The following ITGA11 variants were observed in gnomAD, a reference collection of about 807,000 sequenced individuals.
ITGA11 encodes integrin alpha-11.
A neutral mutation model predicts 141.9 loss-of-function variants in ITGA11; 97 were observed. The ratio of observed to expected loss-of-function variants is 0.68; its 90% confidence interval spans 0.58 to 0.81. The LOEUF (loss-of-function observed/expected upper bound fraction) is 0.81, where lower values mean the gene tolerates loss of function less well. Ranked by LOEUF, ITGA11 falls within the 30% of genes least tolerant of loss-of-function variation. ITGA11 has a pLI of 0.00. For synonymous variants in ITGA11, 658 were observed against 624.6 expected (o/e 1.05, Z -0.80); for missense variants, 1,387 against 1,559.2 (o/e 0.89, Z 1.86).
intron 10 of ITGA11, among the ~76,000 whole-genome samples, chr15:68,344,447 C>G (rs1368254924): frequency 6.6e-6 from 1 of 152,168 alleles, no homozygotes; most frequent in Admixed American, 6.5e-5. Context: ...CACTAAGAAC[C>G]TTAGCGAATA....
rs2140291197 is a variant in ITGA11, at chr15:68,322,793, G to A, written c.2323-1290C>T. On this transcript the variant is annotated intron_variant, in intron 18 of 29. Transcript: ENST00000315757. The surrounding 1 kb of genome is among the most constrained non-coding windows in gnomAD (Gnocchi z 5.6). ...GGAGAATTGCTTGAACTCAGGCAGA[G>A]GCTGCAGTGGGCCAAGATCGTGCCA... Among the ~76,000 whole-genome samples the A allele has an allele frequency of 6.6e-6, 1 of 151,872 alleles. No homozygotes were observed. Among genetic ancestry groups the A allele is most frequent in the South Asian group, 2.1e-4 (1 of 4,794 alleles).
chr15:68,340,061 GTC>G (rs913859979), intron 10 of ITGA11, among the ~76,000 whole-genome samples: 3 of 152,080 alleles, frequency 2.0e-5, no homozygotes, highest in African/African-American at 7.2e-5. Flanking sequence ...TCTTTGCAGT[GTC>G]TGAGTTGCTT....
chr15:68,336,263 T>A (rs898586), intron 11 of ITGA11, among the ~76,000 whole-genome samples: 3 of 152,012 alleles, frequency 2.0e-5, no homozygotes, highest in Non-Finnish European at 4.4e-5. Context: ...TCTTCACTCT[T>A]GGAGACTAAC....
chr15:68,320,787 T>C (rs1473960948), intron 19 of ITGA11, among the ~76,000 whole-genome samples: 1 of 152,262 alleles, frequency 6.6e-6, no homozygotes, highest in Non-Finnish European at 1.5e-5. Flanking sequence ...ATTATCCTTC[T>C]ACAAGTTTTG....
chr15:68,372,940 A>G (rs1389836644), intron 2 of ITGA11, among the ~76,000 whole-genome samples: 1 of 152,254 alleles, frequency 6.6e-6, no homozygotes, highest in Non-Finnish European at 1.5e-5. Flanking sequence ...GTAAGTGTAT[A>G]TGTAAATTAT....
In ITGA11 at chr15:68,382,132, A is replaced by G. The variant is rs1460314182; in HGVS notation, c.165-12848T>C. ...TGTGTTGTGACAAATAGTCATTCTT[A>G]TAGACTTATTCTTATTTCAAGAAGC... On this transcript the variant is annotated intron_variant, in intron 2 of 29. Coordinates refer to ENST00000315757, the MANE Select transcript of ITGA11 (RefSeq NM_001004439.2). Among the ~76,000 whole-genome samples the G allele has an allele frequency of 3.3e-5, 5 of 152,202 alleles. No homozygotes were observed. The South Asian group carries it at 6.2e-4, about 19-fold the overall frequency.
rs1027673407 is a variant in ITGA11, at chr15:68,322,726, G to A, written c.2323-1223C>T. ...TGCTAAAAAATACAAAAATTAGCTG[G>A]GCGCAGTGGCTGCAGTCCCAGCTAC... On this transcript the variant is annotated intron_variant, in intron 18 of 29. Transcript: ENST00000315757. The surrounding 1 kb of genome is among the most constrained non-coding windows in gnomAD (Gnocchi z 5.6). Among the ~76,000 whole-genome samples, 60 of 152,048 alleles carry A rather than the reference G, an allele frequency of 3.9e-4. No homozygotes were observed. The highest frequency in any genetic ancestry group is 3.5e-4 in the Non-Finnish European group (24 of 67,980).
intron 2 of ITGA11, among the ~76,000 whole-genome samples, chr15:68,382,467 C>T (rs1208486172): frequency 2.6e-5 from 4 of 152,210 alleles, no homozygotes; most frequent in Non-Finnish European, 4.4e-5. Flanking sequence ...GGTCTCCAGA[C>T]CCTTTAACAC....
chr15:68,350,773 A>G lies in ITGA11; in HGVS notation c.904T>C (p.Tyr302His). 1 of 1,612,782 alleles carries G rather than the reference A, an allele frequency of 6.2e-7. No homozygotes were observed. Among genetic ancestry groups the G allele is most frequent in the Non-Finnish European group, 8.5e-7 (1 of 1,179,280 alleles). Residue 302 changes from tyrosine (Y) to histidine (H), a missense_variant, in exon 9 of 30, where the codon TAC (tyrosine) becomes CAC (histidine). Physicochemically the swap from Tyr to His is moderately conservative, Grantham distance 83. Transcript: ENST00000315757. ...GGATTGATCCCCCTGCGGTTGTAGT[A>G]GCCCAGGACCTGCCAGGGAACAGGG... is the stretch of plus-strand genomic sequence containing the variant. ...VTRYAVAVLG[Y>H]YNRRGINPET...
chr15:68,416,187 C>T (rs945363146), intron 1 of ITGA11, among the ~76,000 whole-genome samples: 1 of 152,232 alleles, frequency 6.6e-6, no homozygotes, highest in African/African-American at 2.4e-5. Flanking sequence ...TGACTTATCA[C>T]AACAGCCTCC....
chr15:68,332,092 G>A lies in ITGA11; in HGVS notation c.1567-30C>T, dbSNP rs769914384. ...AAAACCAGGGGCAGAAAAAGGCTGG[G>A]GAGGGTTTGGCAAAAGTCCTCAGGC... is the stretch of plus-strand genomic sequence containing the variant. On this transcript the variant is annotated intron_variant, in intron 13 of 29. Transcript: ENST00000315757. The A allele has an allele frequency of 7.8e-6, 12 of 1,547,718 alleles. No individual in the cohort carries two copies. In the Admixed American group the frequency reaches 2.3e-4, roughly 30 times the overall value.
intron 10 of ITGA11, among the ~76,000 whole-genome samples, chr15:68,341,734 C>G (rs1322988167): frequency 6.6e-6 from 1 of 152,192 alleles, no homozygotes; most frequent in East Asian, 1.9e-4. Flanking sequence ...CATGGACAGG[C>G]CTTTGAAGAT....
intron 10 of ITGA11, among the ~76,000 whole-genome samples, chr15:68,346,747 C>T (rs1030558872): frequency 6.6e-6 from 1 of 152,210 alleles, no homozygotes; most frequent in African/African-American, 2.4e-5. Flanking sequence ...AGGGGCAGCT[C>T]GAGTGCCAAG....
At chr15:68,383,940 C>T (rs904463658) in intron 2 of ITGA11, among the ~76,000 whole-genome samples, 1 of 152,148 alleles carries the variant, frequency 6.6e-6, no homozygotes, top group Non-Finnish European at 1.5e-5. Context: ...GCTGAGTTGG[C>T]AAACCCCTCT....
At chr15:68,402,856 G>T in intron 2 of ITGA11, 62 bp downstream of exon 2, 1 of 1,157,748 alleles carries the variant, frequency 8.6e-7, no homozygotes, top group Non-Finnish European at 1.3e-6. Context: ...CACAGGGGCA[G>T]GATGGAGGGG....
chr15:68,402,036 T>G (rs1896524645), intron 2 of ITGA11, among the ~76,000 whole-genome samples: 2 of 97,428 alleles, frequency 2.1e-5, no homozygotes, highest in Non-Finnish European at 3.9e-5. Flanking sequence ...TGAACACAAG[T>G]AAGGGGGTGC....
At chr15:68,375,679 C>T (rs575892678) in intron 2 of ITGA11, among the ~76,000 whole-genome samples, 2 of 152,330 alleles carry the variant, frequency 1.3e-5, no homozygotes, top group South Asian at 2.1e-4. Flanking sequence ...GTTTGCACAT[C>T]CCTTACTCTC....
At chr15:68,421,695 C>T (rs4402499) in intron 1 of ITGA11, among the ~76,000 whole-genome samples, 7,435 of 115,532 alleles carry the variant, frequency 0.064, 500 homozygotes, top group African/African-American at 0.18. Flanking sequence ...TGATGTGGGG[C>T]CAGCCTGGGT....
Position 68,326,704 on chromosome 15 carries a change from G to A in ITGA11, c.2161C>T (p.Leu721=), listed in dbSNP as rs553120051. ...CAGAGCTCCTGGCCGGAGGAGAGCA[G>A]TACGGCTCTGTTGGTGAATCGGTCC... ...GGDRFTNRAV[L]LSSGQELCER... Residue 721 remains leucine (L), a synonymous_variant, in exon 17 of 30, where the codon CTG becomes TTG. Transcript: ENST00000315757. This position sits in a 1 kb window ranked among gnomAD's most constrained non-coding sequence, Gnocchi z 6.8. The A allele has an allele frequency of 2.4e-5, 38 of 1,587,848 alleles. No individual in the cohort carries two copies. In the South Asian group the frequency reaches 4.4e-4, roughly 18 times the overall value.
Sources: allele counts gnomAD v4.1 joint callset (sites outside exome capture counted in the v4.1 genomes callset), GRCh38; gene constraint gnomAD v4.1.1; non-coding constraint Gnocchi (gnomAD v3.1); transcripts MANE v1.5; gene names NCBI Gene and HGNC (gene_info 2026-07-23, HGNC 2026-07-21).